Variants in CACNA2D1 observed in about 807,000 individuals in gnomAD.
CACNA2D1 encodes voltage-dependent calcium channel subunit alpha-2/delta-1.
CACNA2D1 carries 53 observed loss-of-function variants against 171.5 expected under a neutral mutation model. That is an observed-to-expected ratio of 0.31 (90% CI 0.25 to 0.39). The LOEUF is 0.39. CACNA2D1 is among the 10% of genes least tolerant of loss of function. The pLI is 1.00. For synonymous variants in CACNA2D1, 442 were observed against 443.1 expected (o/e 1.00, Z 0.03); for missense variants, 903 against 1,299.8 (o/e 0.69, Z 4.69).
At position 82,379,323 on chromosome 7, in the gene CACNA2D1, C is replaced by T. The variant is rs940723841; in HGVS notation, c.96-29674G>A. ...AAACATAATTCATAATTTTTTTCACCTAAAGTTTTTAAGCCCTTCTCCCTA... is the reference window on the plus strand; with the variant it reads ...AAACATAATTCATAATTTTTTTCACTTAAAGTTTTTAAGCCCTTCTCCCTA... On this transcript the variant is annotated intron_variant, in intron 1 of 38. Coordinates refer to ENST00000356860, the MANE Select transcript of CACNA2D1 (RefSeq NM_000722.4). 1.6e-3 allele frequency among the ~76,000 whole-genome samples: 246 copies of T among 152,202 alleles called. 3 individuals carry two copies. Among genetic ancestry groups the T allele is most frequent in the African/African-American group, 5.9e-3 (244 of 41,530 alleles).
intron 5 of CACNA2D1, among the ~76,000 whole-genome samples, chr7:82,126,357 T>C (rs1790336688): frequency 6.6e-6 from 1 of 152,186 alleles, no homozygotes; most frequent in Admixed American, 6.5e-5. Context: ...TAAAACATTG[T>C]CTCTATCTTA....
At chr7:82,013,614 A>T in intron 13 of CACNA2D1, 104 bp from the exon 14 acceptor site, 1 of 377,180 alleles carries the variant, frequency 2.7e-6, no homozygotes, top group Non-Finnish European at 4.2e-6. Flanking sequence ...TTTTGAAAAC[A>T]ATATATTTCA....
At chr7:82,103,522 G>C (rs1490971391) in intron 6 of CACNA2D1, among the ~76,000 whole-genome samples, 1 of 152,036 alleles carries the variant, frequency 6.6e-6, no homozygotes, top group Non-Finnish European at 1.5e-5. Context: ...TTAATGTCGA[G>C]TTTTACCGAA....
chr7:81,978,801 C>CATAT (rs3083237), intron 24 of CACNA2D1, among the ~76,000 whole-genome samples: 47 of 141,586 alleles, frequency 3.3e-4, no homozygotes, highest in East Asian at 1.0e-3. Context: ...CAAAACAGCA[C>CATAT]ATATATATAT....
At chr7:82,147,950 A>G (rs1793336438) in intron 4 of CACNA2D1, among the ~76,000 whole-genome samples, 1 of 152,198 alleles carries the variant, frequency 6.6e-6, no homozygotes, top group African/African-American at 2.4e-5. Flanking sequence ...ACATTCACAT[A>G]TATACAGTAC....
chr7:82,187,414 C>A lies in CACNA2D1; in HGVS notation c.295-16805G>T, dbSNP rs1194957655. On this transcript the variant is annotated intron_variant, in intron 3 of 38. Coordinates refer to ENST00000356860, the MANE Select transcript of CACNA2D1 (RefSeq NM_000722.4). ...AAAAATGTAAGCTGATTTAAATTCA[C>A]CAAAAAGTTAACAACAGAAATAAGG... Among the ~76,000 whole-genome samples the A allele has an allele frequency of 2.6e-5, 4 of 151,964 alleles. No individual in the cohort carries two copies. The East Asian group carries it at 5.8e-4, about 22-fold the overall frequency.
At chr7:81,952,170 A>G (rs1047929651) in intron 38 of CACNA2D1, among the ~76,000 whole-genome samples, 2 of 151,640 alleles carry the variant, frequency 1.3e-5, no homozygotes, top group Admixed American at 6.6e-5. Context: ...CCACTTTCTG[A>G]TGGGATTATT....
At chr7:82,415,302 G>A (rs1019604382) in intron 1 of CACNA2D1, among the ~76,000 whole-genome samples, 8 of 152,168 alleles carry the variant, frequency 5.3e-5, no homozygotes, top group African/African-American at 1.9e-4. Flanking sequence ...GGGAGGCCGA[G>A]ATGGGCGGAT....
At chr7:82,423,790 C>T (rs117705880) in intron 1 of CACNA2D1, among the ~76,000 whole-genome samples, 2,169 of 152,110 alleles carry the variant, frequency 0.014, 19 homozygotes, top group Non-Finnish European at 0.023. Flanking sequence ...TTAGTTATGT[C>T]CTAAATACTC....
chr7:82,281,057 T>C (rs983910550), intron 3 of CACNA2D1, among the ~76,000 whole-genome samples: 1 of 152,282 alleles, frequency 6.6e-6, no homozygotes, highest in Admixed American at 6.5e-5. Flanking sequence ...GAAGTCCAGA[T>C]GTAAAGTGTG....
intron 3 of CACNA2D1, among the ~76,000 whole-genome samples, chr7:82,260,017 G>A (rs534660177): frequency 6.6e-6 from 1 of 152,292 alleles, no homozygotes; most frequent in South Asian, 2.1e-4. Context: ...GAGGTCAGGA[G>A]TTCGAGACCA....
At chr7:82,291,449 TTA>T (rs1187907219) in intron 3 of CACNA2D1, among the ~76,000 whole-genome samples, 1 of 135,932 alleles carries the variant, frequency 7.4e-6, no homozygotes, top group African/African-American at 2.7e-5. Context: ...TATATTTTTA[TTA>T]TATATATTAA....
At position 82,005,757 on chromosome 7, in the gene CACNA2D1, C is replaced by G. The variant is rs1340384650; in HGVS notation, c.1515+8G>C. 3 of 1,565,808 alleles carry G rather than the reference C, an allele frequency of 1.9e-6. No homozygotes were observed. The highest frequency in any genetic ancestry group is 1.7e-5 in the Admixed American group (1 of 59,910). The stretch of plus-strand genomic sequence containing the variant: ...GAAAGGGTATCAAAAGAGCAAATTT[C>G]ATCTTACTGTAAAACGTGGTGTCAG... On this transcript the variant is annotated splice_region_variant and intron_variant, in intron 17 of 38. Transcript: ENST00000356860.
chr7:82,262,765 T>A (rs1251969372), intron 3 of CACNA2D1, among the ~76,000 whole-genome samples: 21 of 152,118 alleles, frequency 1.4e-4, no homozygotes, highest in Admixed American at 1.4e-3. Context: ...CCAAGGCAGT[T>A]ATTGAAGCTA....
intron 3 of CACNA2D1, among the ~76,000 whole-genome samples, chr7:82,217,356 A>AT (rs765451689): frequency 0.056 from 7,175 of 128,474 alleles, 309 homozygotes; most frequent in Admixed American, 0.13. Context: ...TTTTAAAAAA[A>AT]AAATATATAT....
chr7:81,953,108 A>T (rs959145619), intron 38 of CACNA2D1, among the ~76,000 whole-genome samples: 2 of 151,576 alleles, frequency 1.3e-5, no homozygotes, highest in Admixed American at 6.6e-5. Context: ...CCATCCTCTA[A>T]CTCTACCTTC....
chr7:81,997,230 T>C lies in CACNA2D1; in HGVS notation c.1611A>G (p.Pro537=), dbSNP rs76594260. ...LQPKNPKSQE[P]VTLDFLDAEL... ...CTGCATCAAGGAAATCCAATGTTACTGGCTCCTGAGATTTGGGGTTCTACA... is the reference window on the plus strand; with the variant it reads ...CTGCATCAAGGAAATCCAATGTTACCGGCTCCTGAGATTTGGGGTTCTACA... Residue 537 remains proline (P), a synonymous_variant, in exon 19 of 39, where the codon CCA becomes CCG. Transcript: ENST00000356860. 3.4e-5 allele frequency: 55 copies of C among 1,605,116 alleles called. No individual in the cohort carries two copies. Among genetic ancestry groups the C allele is most frequent in the Admixed American group, 1.0e-4 (6 of 59,994 alleles).
At chr7:82,023,144 G>A (rs1801451307) in intron 12 of CACNA2D1, among the ~76,000 whole-genome samples, 1 of 151,754 alleles carries the variant, frequency 6.6e-6, no homozygotes, top group Non-Finnish European at 1.5e-5. Context: ...TTGGACTACG[G>A]GATAGAGTTC....
chr7:82,135,070 T>C (rs1242381139), intron 5 of CACNA2D1, among the ~76,000 whole-genome samples: 3 of 152,136 alleles, frequency 2.0e-5, no homozygotes, highest in African/African-American at 7.2e-5. Context: ...TAAATGTAAC[T>C]TCTTTAATTA....
Sources: allele counts gnomAD v4.1 joint callset (sites outside exome capture counted in the v4.1 genomes callset), GRCh38; gene constraint gnomAD v4.1.1; transcripts MANE v1.5; gene names NCBI Gene and HGNC (gene_info 2026-07-23, HGNC 2026-07-21).